TRIM32: variants seen among roughly 807,000 people sequenced by gnomAD.
TRIM32 encodes tripartite motif containing 32, also known as E3 ubiquitin-protein ligase TRIM32.
In TRIM32, 19 loss-of-function variants were observed where a neutral mutation model predicts 36.0. The observed-to-expected ratio is 0.53, with a 90% confidence interval of 0.37 to 0.77. The LOEUF (loss-of-function observed/expected upper bound fraction) is 0.77, where lower values mean the gene tolerates loss of function less well. Among genes scored for constraint, TRIM32 ranks in the 30% least tolerant of loss-of-function variants. The pLI is 0.00. For synonymous variants in TRIM32, 309 were observed against 318.5 expected, an observed-to-expected ratio of 0.97 and a Z score of 0.32; for missense variants, 747 against 845.2, an observed-to-expected ratio of 0.88 and a Z score of 1.44.
In TRIM32 at chr9:116,697,994, G is replaced by A; in HGVS notation, c.252G>A (p.Lys84=). The change falls in exon 2 of 2, where the codon AAG becomes AAA. Residue 84 remains lysine (K), a synonymous_variant. Coordinates refer to ENST00000450136, the MANE Select transcript of TRIM32 (RefSeq NM_012210.4). ...TQLTDNLTVL[K]IIDTAGLSEA... is the part of the protein sequence containing the mutation. Reference sequence around the variant, plus strand: ...TGACAGACAATCTGACAGTGCTAAAGATCATTGATACAGCTGGGCTCAGCG... The same window carrying A: ...TGACAGACAATCTGACAGTGCTAAAAATCATTGATACAGCTGGGCTCAGCG... The A allele has an allele frequency of 1.9e-6, 3 of 1,614,212 alleles. No individual in the cohort carries two copies. The highest frequency in any genetic ancestry group is 2.5e-6 in the Non-Finnish European group (3 of 1,180,058).
Position 116,701,114 on chromosome 9 carries a change from T to TAATA in TRIM32, c.*1411_*1414dup, listed in dbSNP as rs758130716. ...TCCTGAGGGTTTGGTGTTTACTAAG[T>TAATA]AATATATCTTACTCTAGGTGCAGGG... On this transcript the variant is annotated 3_prime_UTR_variant, in exon 2 of 2. Transcript: ENST00000450136. 46 of 167,220 alleles carry TAATA rather than the reference T, an allele frequency of 2.8e-4. No homozygotes were observed. Among genetic ancestry groups the TAATA allele is most frequent in the Non-Finnish European group, 5.7e-4 (39 of 68,120 alleles). The allele number at this position is 167,220 out of a possible 1,614,324, so 10.4% of individuals were successfully genotyped here.
chr9:116,699,056 C>T lies in TRIM32; in HGVS notation c.1314C>T (p.Cys438=), dbSNP rs1564217612. ...CTCCTCTCTCAGTGGCAATGAACTG[C>T]CAGGGGCTGATTGGTGTGACTGACA... ...NLTPLSVAMN[C]QGLIGVTDSY... Residue 438 remains cysteine, a synonymous_variant, in exon 2 of 2, where the codon TGC becomes TGT. Transcript: ENST00000450136. The surrounding 1 kb of genome is among the most constrained non-coding windows in gnomAD (Gnocchi z 4.2). 3 of 1,614,062 alleles carry T rather than the reference C, an allele frequency of 1.9e-6. No individual in the cohort carries two copies. Among genetic ancestry groups the T allele is most frequent in the African/African-American group, 1.3e-5 (1 of 74,940 alleles).
intron 1 of TRIM32, among the ~76,000 whole-genome samples, chr9:116,694,033 G>A (rs1054593532): frequency 6.6e-6 from 1 of 152,280 alleles, no homozygotes; most frequent in African/African-American, 2.4e-5. Flanking sequence ...TTTAGTGAGG[G>A]GAACACAGGT....
rs781563722 is a variant in TRIM32, at chr9:116,698,683, C to T, written c.941C>T (p.Ser314Phe). ...EDSWAMEATA[S>F]AASTSVTFRE... ...TCCTGGGCCATGGAGGCCACAGCGT[C>T]TGCTGCCTCTACCTCTGTTACTTTT... The change falls in exon 2 of 2, where the codon TCT becomes TTT. Residue 314 changes from serine (S) to phenylalanine (F), a missense_variant. Coordinates refer to ENST00000450136, the MANE Select transcript of TRIM32 (RefSeq NM_012210.4). This position sits in a 1 kb window ranked among gnomAD's most constrained non-coding sequence, Gnocchi z 4.4. 1.9e-6 allele frequency: 3 copies of T among 1,614,180 alleles called. No individual in the cohort carries two copies. In the Admixed American group the frequency reaches 5.0e-5, roughly 27 times the overall value.
chr9:116,688,151 G>T (rs1035997125), intron 1 of TRIM32, among the ~76,000 whole-genome samples: 2 of 152,006 alleles, frequency 1.3e-5, no homozygotes, highest in Non-Finnish European at 2.9e-5. Context: ...GCAGAGATTT[G>T]GAAATAGGGA....
chr9:116,699,582 G>A lies in TRIM32; in HGVS notation c.1840G>A (p.Glu614Lys), dbSNP rs780867714. The change falls in exon 2 of 2, where the codon GAG (glutamate) becomes AAG (lysine). Residue 614 changes from glutamate to lysine, a missense_variant. By Grantham distance (56) the Glu-to-Lys change is moderately conservative. Transcript: ENST00000450136. This position sits in a 1 kb window ranked among gnomAD's most constrained non-coding sequence, Gnocchi z 4.2. ...TGGGGGCTATAGTGTCCTTATTCGA[G>A]AGGGACTTACCTGTCCGGTGGGCAT... ...KGGGYSVLIR[E>K]GLTCPVGIAL... 4.0e-5 allele frequency: 64 copies of A among 1,614,102 alleles called. No individual in the cohort carries two copies. In the East Asian group the frequency reaches 1.4e-3, roughly 35 times the overall value.
chr9:116,694,668 T>C (rs1266476459), intron 1 of TRIM32, among the ~76,000 whole-genome samples: 1 of 149,008 alleles, frequency 6.7e-6, no homozygotes, highest in Non-Finnish European at 1.5e-5. Flanking sequence ...AGACGGAGTT[T>C]CACCGTCTTA....
intron 1 of TRIM32, among the ~76,000 whole-genome samples, chr9:116,689,115 G>T (rs778148713): frequency 1.3e-5 from 2 of 152,022 alleles, no homozygotes; most frequent in African/African-American, 4.8e-5. Context: ...CTTCCCCCCC[G>T]CAGTAAGGAA....
chr9:116,698,181 C>T lies in TRIM32; in HGVS notation c.439C>T (p.Arg147Trp), dbSNP rs532729383. The T allele has an allele frequency of 1.1e-5, 18 of 1,614,118 alleles. No individual in the cohort carries two copies. Among genetic ancestry groups the T allele is most frequent in the Admixed American group, 1.7e-5 (1 of 60,018 alleles). ...CAAAGAAGCAGCTGAGGAGCGGCGT[C>T]GGGACTTTGGAGAGAAGTTAACTCG... ...PVKEAAEERR[R>W]DFGEKLTRLR... Residue 147 changes from arginine to tryptophan, a missense_variant, in exon 2 of 2, where the codon CGG becomes TGG. Arg to Trp is a moderately radical substitution (Grantham distance 101). Transcript: ENST00000450136. This position sits in a 1 kb window ranked among gnomAD's most constrained non-coding sequence, Gnocchi z 4.4.
In TRIM32 at chr9:116,699,367, A is replaced by G; in HGVS notation, c.1625A>G (p.Asn542Ser). Residue 542 changes from asparagine to serine, a missense_variant, in exon 2 of 2, where the codon AAT (asparagine) becomes AGT (serine). Coordinates refer to ENST00000450136, the MANE Select transcript of TRIM32 (RefSeq NM_012210.4). This position sits in a 1 kb window ranked among gnomAD's most constrained non-coding sequence, Gnocchi z 4.2. ...GLGLNLENRQ[N>S]EHHLEGGFSI... ...GGCCTCAATCTGGAGAATCGGCAGA[A>G]TGAGCACCACCTGGAGGGTGGCTTT... 6.2e-7 allele frequency: 1 copy of G among 1,614,190 alleles called. No homozygotes were observed. The highest frequency in any genetic ancestry group is 8.5e-7 in the Non-Finnish European group (1 of 1,180,028).
intron 1 of TRIM32, among the ~76,000 whole-genome samples, chr9:116,692,142 C>G (rs963414942): frequency 6.6e-6 from 1 of 152,178 alleles, no homozygotes; most frequent in Non-Finnish European, 1.5e-5. Context: ...CCACCAAAGG[C>G]TGATATAGGT....
At chr9:116,687,666 G>A (rs768347084) in intron 1 of TRIM32, among the ~76,000 whole-genome samples, 3 of 151,930 alleles carry the variant, frequency 2.0e-5, no homozygotes, top group Non-Finnish European at 4.4e-5. Flanking sequence ...GAGGTATGAG[G>A]TAATGTCGGG....
chr9:116,699,734 C>T lies in TRIM32; in HGVS notation c.*30C>T. On this transcript the variant is annotated 3_prime_UTR_variant, in exon 2 of 2. Coordinates refer to ENST00000450136, the MANE Select transcript of TRIM32 (RefSeq NM_012210.4). This position sits in a 1 kb window ranked among gnomAD's most constrained non-coding sequence, Gnocchi z 4.2. ...TGAGAAATTATCAGTTTCTTCTGCT[C>T]CCAAGCCAACTTCCCTTCCCTTAGT... is the stretch of plus-strand genomic sequence containing the variant. 1.2e-6 allele frequency: 2 copies of T among 1,614,054 alleles called. No individual in the cohort carries two copies. The highest frequency in any genetic ancestry group is 1.6e-4 in the Middle Eastern group (1 of 6,062).
In TRIM32 at chr9:116,698,477, G is replaced by A. The variant is rs890942329; in HGVS notation, c.735G>A (p.Lys245=). 1.9e-6 allele frequency: 3 copies of A among 1,613,842 alleles called. No homozygotes were observed. In the African/African-American group the frequency reaches 4.0e-5, roughly 22 times the overall value. Residue 245 remains lysine, a synonymous_variant, in exon 2 of 2, where the codon AAG becomes AAA. Transcript: ENST00000450136. This position sits in a 1 kb window ranked among gnomAD's most constrained non-coding sequence, Gnocchi z 4.4. ...CTCGCTGTGACTACTTCCTGGCCAAGATCAAGCAGGCAGATGTAGCACTAC... is the reference window on the plus strand; with the variant it reads ...CTCGCTGTGACTACTTCCTGGCCAAAATCAAGCAGGCAGATGTAGCACTAC... ...AVSRCDYFLA[K]IKQADVALLE...
intron 1 of TRIM32, among the ~76,000 whole-genome samples, chr9:116,697,172 C>A (rs976031522): frequency 6.6e-6 from 1 of 152,144 alleles, no homozygotes; most frequent in Non-Finnish European, 1.5e-5. Context: ...TTTTACTGTG[C>A]ATAATTCTCC....
Position 116,699,598 on chromosome 9 carries a change from C to T in TRIM32, c.1856C>T (p.Pro619Leu), listed in dbSNP as rs886043050. 9.3e-6 allele frequency: 15 copies of T among 1,614,142 alleles called. No homozygotes were observed. Among genetic ancestry groups the T allele is most frequent in the South Asian group, 1.1e-5 (1 of 91,086 alleles). ...CTTATTCGAGAGGGACTTACCTGTC[C>T]GGTGGGCATAGCCCTAACTCCTAAG... ...SVLIREGLTCPVGIALTPKGQ... is the reference protein window; with the variant it reads ...SVLIREGLTCLVGIALTPKGQ... The change falls in exon 2 of 2, where the codon CCG (proline) becomes CTG (leucine). Residue 619 changes from proline (P) to leucine (L), a missense_variant. Physicochemically the swap from Pro to Leu is moderately conservative, Grantham distance 98 (BLOSUM62 -3). Transcript: ENST00000450136. This position sits in a 1 kb window ranked among gnomAD's most constrained non-coding sequence, Gnocchi z 4.2.
chr9:116,699,251 G>A lies in TRIM32; in HGVS notation c.1509G>A (p.Gly503=). The A allele has an allele frequency of 6.2e-7, 1 of 1,614,216 alleles. No individual in the cohort carries two copies. The highest frequency in any genetic ancestry group is 8.5e-7 in the Non-Finnish European group (1 of 1,180,046). ...GTTTCACAGTTGATCGAGGATCAGG[G>A]GTGGTCAAATACAGCTGCCTATGTA... The part of the protein sequence containing the change: ...LWCFTVDRGS[G]VVKYSCLCSA... The change falls in exon 2 of 2, where the codon GGG becomes GGA. Residue 503 remains glycine, a synonymous_variant. Coordinates refer to ENST00000450136, the MANE Select transcript of TRIM32 (RefSeq NM_012210.4). The surrounding 1 kb of genome is among the most constrained non-coding windows in gnomAD (Gnocchi z 4.2).
intron 1 of TRIM32, among the ~76,000 whole-genome samples, chr9:116,693,015 C>T (rs117078203): frequency 8.5e-5 from 13 of 152,222 alleles, no homozygotes; most frequent in South Asian, 4.2e-4. Context: ...AACTGACCAG[C>T]CCTTTTATTA....
At position 116,697,843 on chromosome 9, in the gene TRIM32, C is replaced by T; in HGVS notation, c.101C>T (p.Pro34Leu). 6.2e-7 allele frequency: 1 copy of T among 1,614,162 alleles called. No homozygotes were observed. Among genetic ancestry groups the T allele is most frequent in the Non-Finnish European group, 8.5e-7 (1 of 1,180,032 alleles). Residue 34 changes from proline (P) to leucine (L), a missense_variant, in exon 2 of 2, where the codon CCC (proline) becomes CTC (leucine). Transcript: ENST00000450136. ...TCCTTCACAGAAGAGCAGCTGCGTC[C>T]CAAGCTTCTGCACTGTGGCCATACC... ...MESFTEEQLR[P>L]KLLHCGHTIC...
Sources: gnomAD v4.1 joint callset for allele counts (sites outside exome capture counted in the v4.1 genomes callset) on GRCh38, gnomAD v4.1.1 for gene constraint, Gnocchi (gnomAD v3.1) non-coding constraint, MANE v1.5 for transcripts, NCBI Gene and HGNC (gene_info 2026-07-23, HGNC 2026-07-21) for gene names.